Variants in CHN2 observed in about 807,000 individuals in gnomAD.
CHN2 encodes chimerin 2.
In CHN2, 35 loss-of-function variants were observed where a neutral mutation model predicts 56.3. That is an observed-to-expected ratio of 0.62 (90% confidence interval 0.47 to 0.82). The LOEUF (loss-of-function observed/expected upper bound fraction) is 0.82, where lower values mean the gene tolerates loss of function less well. Ranked by LOEUF, CHN2 falls within the 40% of genes least tolerant of loss-of-function variation. The pLI is 0.00. For synonymous variants in CHN2, 210 were observed against 212.8 expected (o/e 0.99, Z 0.12); for missense variants, 491 against 580.5 (o/e 0.85, Z 1.58).
chr7:29,312,596 A>C (rs1794679484), intron 1 of CHN2, among the ~76,000 whole-genome samples: 1 of 152,226 alleles, frequency 6.6e-6, no homozygotes, highest in Non-Finnish European at 1.5e-5. Context: ...AAGGATTAAT[A>C]GTCTAAGTGA....
At chr7:29,237,088 G>A (rs1271261030) in intron 1 of CHN2, among the ~76,000 whole-genome samples, 3 of 152,170 alleles carry the variant, frequency 2.0e-5, no homozygotes, top group Non-Finnish European at 4.4e-5. Flanking sequence ...AACAGCTGAA[G>A]TGCTTTCTTT....
Position 29,228,327 on chromosome 7 carries a change from A to G in CHN2, c.49+33337A>G, listed in dbSNP as rs183864414. On this transcript the variant is annotated intron_variant, in intron 1 of 12. Transcript: ENST00000222792. ...GCAGTATTTTTAGTATACCTTTCCC[A>G]CGTTTAGATACACAAATACTTTCCA... Among the ~76,000 whole-genome samples, 535 of 152,124 alleles carry G rather than the reference A, an allele frequency of 3.5e-3. 3 individuals carry two copies. The highest frequency in any genetic ancestry group is 0.012 in the African/African-American group (504 of 41,492).
chr7:29,420,415 A>T (rs182314181), intron 6 of CHN2, among the ~76,000 whole-genome samples: 1 of 152,370 alleles, frequency 6.6e-6, no homozygotes, highest in African/African-American at 2.4e-5. Context: ...TGTAGTATAG[A>T]CATGCAGTGG....
At chr7:29,202,963 T>C (rs1237603986) in intron 1 of CHN2, among the ~76,000 whole-genome samples, 2 of 152,172 alleles carry the variant, frequency 1.3e-5, no homozygotes, top group African/African-American at 2.4e-5. Flanking sequence ...CATTGACCTC[T>C]AAGGGCCTGA....
At chr7:29,314,691 T>C (rs1213755681) in intron 1 of CHN2, among the ~76,000 whole-genome samples, 2 of 152,114 alleles carry the variant, frequency 1.3e-5, no homozygotes, top group Non-Finnish European at 2.9e-5. Context: ...AGGCAGAGCA[T>C]TCAAGATGAC....
intron 1 of CHN2, among the ~76,000 whole-genome samples, chr7:29,309,846 T>C (rs1341118596): frequency 1.3e-5 from 2 of 152,200 alleles, no homozygotes; most frequent in African/African-American, 4.8e-5. Context: ...GGTGGAGACC[T>C]CGCGGGCTCA....
chr7:29,252,578 G>GTTTTTTTTTTTGTTTTTT (rs1788669247), intron 1 of CHN2, among the ~76,000 whole-genome samples: 1 of 19,488 alleles, frequency 5.1e-5, no homozygotes, highest in East Asian at 1.5e-3. Flanking sequence ...TGCATTCTTT[G>GTTTTTTTTTTTGTTTTTT]TTTTTTTTTT....
At chr7:29,439,264 G>T (rs1783455702) in intron 6 of CHN2, among the ~76,000 whole-genome samples, 1 of 152,200 alleles carries the variant, frequency 6.6e-6, no homozygotes, top group Non-Finnish European at 1.5e-5. Flanking sequence ...AACTGGACAT[G>T]TAGTGACAGG....
At chr7:29,386,708 A>G (rs1800943352) in intron 3 of CHN2, among the ~76,000 whole-genome samples, 1 of 152,224 alleles carries the variant, frequency 6.6e-6, no homozygotes, top group Non-Finnish European at 1.5e-5. Flanking sequence ...CTTAAAATTG[A>G]AAAATACATT....
intron 1 of CHN2, among the ~76,000 whole-genome samples, chr7:29,222,089 C>T (rs774839026): frequency 6.6e-6 from 1 of 152,108 alleles, no homozygotes; most frequent in Non-Finnish European, 1.5e-5. Flanking sequence ...AGAGCCAAAT[C>T]AGGAAGGATC....
intron 1 of CHN2, among the ~76,000 whole-genome samples, chr7:29,329,136 G>A (rs889112626): frequency 6.6e-6 from 1 of 152,078 alleles, no homozygotes; most frequent in Non-Finnish European, 1.5e-5. Flanking sequence ...GAATGGGACA[G>A]CAGATAGACT....
At chr7:29,332,498 G>A (rs576800909) in intron 1 of CHN2, among the ~76,000 whole-genome samples, 30 of 152,182 alleles carry the variant, frequency 2.0e-4, no homozygotes, top group African/African-American at 7.2e-4. Flanking sequence ...ATCTTTTCCC[G>A]GGCTGGTGAT....
chr7:29,228,314 G>C (rs245943), intron 1 of CHN2, among the ~76,000 whole-genome samples: 57,714 of 151,968 alleles, frequency 0.38, 11,282 homozygotes, highest in East Asian at 0.54. Context: ...AGTATTTTTA[G>C]TATACCTTTC....
intron 1 of CHN2, among the ~76,000 whole-genome samples, chr7:29,238,944 C>G (rs1007046885): frequency 2.0e-5 from 3 of 152,180 alleles, no homozygotes; most frequent in African/African-American, 7.2e-5. Context: ...GAGGGTGGTT[C>G]ATAGATCTTA....
intron 1 of CHN2, among the ~76,000 whole-genome samples, chr7:29,351,256 G>A (rs547438450): frequency 7.9e-5 from 12 of 152,134 alleles, no homozygotes; most frequent in African/African-American, 2.7e-4. Flanking sequence ...TTATTTAGCC[G>A]TTAGTTGTCA....
intron 1 of CHN2, among the ~76,000 whole-genome samples, chr7:29,350,517 G>A (rs558207721): frequency 1.3e-5 from 2 of 152,226 alleles, no homozygotes; most frequent in African/African-American, 4.8e-5. Flanking sequence ...AATTATAGTT[G>A]TTCCACTGAA....
chr7:29,344,210 C>T (rs1171845868), intron 1 of CHN2, among the ~76,000 whole-genome samples: 2 of 152,304 alleles, frequency 1.3e-5, no homozygotes, highest in East Asian at 3.9e-4. Flanking sequence ...TCCTCGGTTA[C>T]TGGACAGTCC....
At chr7:29,165,424 G>A (rs893420599) in intron 2 of CHN2, among the ~76,000 whole-genome samples, 3 of 152,034 alleles carry the variant, frequency 2.0e-5, no homozygotes, top group South Asian at 4.1e-4. Context: ...ATTTTTGTGT[G>A]TGTAGGTTTC....
Position 29,162,638 on chromosome 7 carries a change from G to A in CHN2, c.274+15678G>A, listed in dbSNP as rs1216721476. On this transcript the variant is annotated intron_variant, in intron 2 of 6. Coordinates refer to the CHN2 transcript ENST00000439384. ...ATCGTGCCATTGCACTCCAGCCTGG[G>A]CAACAAGAGTGAAACTCCATCTCAA... is the stretch of plus-strand genomic sequence containing the variant. 2.1e-5 allele frequency among the ~76,000 whole-genome samples: 3 copies of A among 144,424 alleles called. No homozygotes were observed. The East Asian group carries it at 6.0e-4, about 29-fold the overall frequency. 94.7% of individuals were successfully genotyped at this position (144,424 alleles called of 152,430 possible).
Sources: allele counts gnomAD v4.1 joint callset (sites outside exome capture counted in the v4.1 genomes callset), GRCh38; gene constraint gnomAD v4.1.1; transcripts MANE v1.5; gene names NCBI Gene and HGNC (gene_info 2026-07-23, HGNC 2026-07-21).